The following GTPBP3 variants were observed in gnomAD, a reference collection of about 807,000 sequenced individuals.
GTPBP3 encodes 5-taurinomethyluridine-[tRNA] synthase subunit GTPB3, mitochondrial.
Under a neutral mutation model 42.0 loss-of-function variants are expected in GTPBP3, and 35 were observed. That is an observed-to-expected ratio of 0.83 (90% CI 0.64 to 1.10). The LOEUF (loss-of-function observed/expected upper bound fraction) is 1.10, where lower values mean the gene tolerates loss of function less well. Ranked by LOEUF, GTPBP3 falls within the 50% of genes least tolerant of loss-of-function variation. The pLI is 0.00. For missense variants in GTPBP3, 691 were observed against 685.2 expected (o/e 1.01, Z -0.09); for synonymous variants, 332 against 314.9 (o/e 1.05, Z -0.58).
intron 2 of GTPBP3, 28 bp downstream of exon 2, chr19:17,338,283 T>A: frequency 6.2e-7 from 1 of 1,603,060 alleles, no homozygotes; most frequent in Non-Finnish European, 8.5e-7. Context: ...CCGAGCCTCC[T>A]GTAGGTCCCA....
chr19:17,338,266 C>T lies in GTPBP3; in HGVS notation c.301+11C>T. 1 of 1,595,948 alleles carries T rather than the reference C, an allele frequency of 6.3e-7. No homozygotes were observed. On this transcript the variant is annotated intron_variant, in intron 2 of 8. Coordinates refer to ENST00000324894, the MANE Select transcript of GTPBP3 (RefSeq NM_032620.4). ...TGCTCTGGTTCCCAGGTGAGGGTCC[C>T]CAGGTTCCGAGCCTCCTGTAGGTCC...
chr19:17,337,580 G>A lies in GTPBP3; in HGVS notation c.-32G>A. On this transcript the variant is annotated 5_prime_UTR_variant, in exon 1 of 9. Coordinates refer to ENST00000324894, the MANE Select transcript of GTPBP3 (RefSeq NM_032620.4). ...GCCCAGACTTGAAGCCACACAGGCA[G>A]GTCGGGCAGGCGGGTCGCAGGTTGT... 1 of 1,317,356 alleles carries A rather than the reference G, an allele frequency of 7.6e-7. No homozygotes were observed. The highest frequency in any genetic ancestry group is 9.7e-7 in the Non-Finnish European group (1 of 1,027,566). The allele number at this position is 1,317,356 out of a possible 1,614,324, so 81.6% of individuals were successfully genotyped here. A position where few individuals can be genotyped will look rare whatever the true frequency, so the allele number is the denominator to read the frequency against.
chr19:17,339,047 G>A (rs768898152), intron 5 of GTPBP3, 21 bp downstream of exon 5: 6 of 1,614,116 alleles, frequency 3.7e-6, no homozygotes, highest in Non-Finnish European at 5.1e-6. Flanking sequence ...CTGGTGGTGG[G>A]GGAGGAAGAC....
chr19:17,338,418 C>G lies in GTPBP3; in HGVS notation c.355C>G (p.Pro119Ala). 1 of 1,614,130 alleles carries G rather than the reference C, an allele frequency of 6.2e-7. No homozygotes were observed. The highest frequency in any genetic ancestry group is 8.5e-7 in the Non-Finnish European group (1 of 1,180,046). The change falls in exon 3 of 9, where the codon CCG becomes GCG. Residue 119 changes from proline to alanine, a missense_variant. By Grantham distance (27) the Pro-to-Ala change is conservative. Coordinates refer to ENST00000324894, the MANE Select transcript of GTPBP3 (RefSeq NM_032620.4). ...DCVEFHVHGG[P>A]AVVSGVLQAL... ...CGTGGAGTTCCACGTGCATGGAGGC[C>G]CGGCAGTGGTGAGCGGCGTCCTGCA... is the stretch of plus-strand genomic sequence containing the variant.
At chr19:17,335,474 C>A (rs1201017435), upstream of GTPBP3, among the ~76,000 whole-genome samples, 1 of 152,078 alleles carries the variant, frequency 6.6e-6, no homozygotes, top group Non-Finnish European at 1.5e-5. Flanking sequence ...GCAGGAGAAT[C>A]GCTTGTGCTC....
upstream of GTPBP3, among the ~76,000 whole-genome samples, chr19:17,335,914 C>T (rs905748175): frequency 6.6e-6 from 1 of 152,114 alleles, no homozygotes; most frequent in African/African-American, 2.4e-5. Flanking sequence ...AATATGTCAT[C>T]ATTTGTTCCT....
intron 7 of GTPBP3, among the ~76,000 whole-genome samples, chr19:17,339,828 GCT>G (rs1172326521): frequency 1.4e-5 from 2 of 145,078 alleles, no homozygotes; most frequent in Non-Finnish European, 3.0e-5. Flanking sequence ...CTCACTGCAA[GCT>G]CTGTCTTCCG....
chr19:17,339,382 G>A, intron 6 of GTPBP3, 52 bp from the exon 7 acceptor site: 1 of 1,600,960 alleles, frequency 6.2e-7, no homozygotes, highest in South Asian at 1.1e-5. Flanking sequence ...TAGAACCTGG[G>A]GGAGGAGCTC....
chr19:17,335,106 T>C, upstream of GTPBP3: 1 of 1,535,986 alleles, frequency 6.5e-7, no homozygotes, highest in South Asian at 1.2e-5. Context: ...AGACGCTGTT[T>C]GGAATGTGAG....
intron 6 of GTPBP3, 70 bp downstream of exon 6, chr19:17,339,336 AGTT>A (rs2074404294): frequency 1.3e-6 from 2 of 1,580,068 alleles, no homozygotes; most frequent in East Asian, 4.5e-5. Flanking sequence ...TTATTGAGTT[AGTT>A]GTTCAGGTCT....
At position 17,337,599 on chromosome 19, in the gene GTPBP3, A is replaced by T; in HGVS notation, c.-13A>T. On this transcript the variant is annotated 5_prime_UTR_variant, in exon 1 of 9. Coordinates refer to ENST00000324894, the MANE Select transcript of GTPBP3 (RefSeq NM_032620.4). ...CAGGCAGGTCGGGCAGGCGGGTCGC[A>T]GGTTGTAAATCCATGTGGCGGGGGC... 1 of 1,313,426 alleles carries T rather than the reference A, an allele frequency of 7.6e-7. No homozygotes were observed. Among genetic ancestry groups the T allele is most frequent in the East Asian group, 3.1e-5 (1 of 32,746 alleles). 81.4% of individuals were successfully genotyped at this position (1,313,426 alleles called of 1,614,324 possible). A position where few individuals can be genotyped will look rare whatever the true frequency, so the allele number is the denominator to read the frequency against.
chr19:17,340,335 C>G (rs1806324520), intron 7 of GTPBP3, among the ~76,000 whole-genome samples: 1 of 152,130 alleles, frequency 6.6e-6, no homozygotes, highest in Non-Finnish European at 1.5e-5. Flanking sequence ...CTGTGCCCGG[C>G]CAGTGATTTA....
At chr19:17,337,796 T>A in intron 1 of GTPBP3, 132 bp downstream of exon 1, 1 of 1,273,046 alleles carries the variant, frequency 7.9e-7, no homozygotes, top group Non-Finnish European at 1.1e-6. Flanking sequence ...CAATCGTTCA[T>A]GACCCTTGCG....
chr19:17,342,089 TTTCCCC>T lies in GTPBP3; in HGVS notation c.*412_*417del, dbSNP rs3078395. The T allele has an allele frequency of 0.096, 12,147 of 126,358 alleles. 588 individuals are homozygous for T. The highest frequency in any genetic ancestry group is 0.12 in the Non-Finnish European group (7,379 of 61,246). The allele number at this position is 126,358 out of a possible 1,614,324, so 7.8% of individuals were successfully genotyped here. Reference sequence around the variant, plus strand: ...CCTTCCCTTTCCTTTTCCCTTTCCCTTTCCCCTTCCCCTTCCCCTTCCCCTTCCCCT... The same window carrying T: ...CCTTCCCTTTCCTTTTCCCTTTCCCTTTCCCCTTCCCCTTCCCCTTCCCCT... On this transcript the variant is annotated 3_prime_UTR_variant, in exon 9 of 9. Coordinates refer to ENST00000324894, the MANE Select transcript of GTPBP3 (RefSeq NM_032620.4).
chr19:17,335,377 C>A (rs1405675110), upstream of GTPBP3, among the ~76,000 whole-genome samples: 1 of 152,090 alleles, frequency 6.6e-6, no homozygotes, highest in African/African-American at 2.4e-5. Context: ...AAATACAGTC[C>A]GTCTAGTTAA....
At position 17,341,297 on chromosome 19, in the gene GTPBP3, G is replaced by A. The variant is rs1463537539; in HGVS notation, c.1228G>A (p.Ala410Thr). The A allele has an allele frequency of 2.5e-6, 4 of 1,603,958 alleles. No individual in the cohort carries two copies. The highest frequency in any genetic ancestry group is 1.7e-4 in the Middle Eastern group (1 of 5,842). ...AGAGGGGCTGGACGGCCTCCTGGAGGCGCTGAGGAAGGAGCTAGCTGCAGT... is the reference window on the plus strand; with the variant it reads ...AGAGGGGCTGGACGGCCTCCTGGAGACGCTGAGGAAGGAGCTAGCTGCAGT... The part of the protein sequence containing the change: ...TGEGLDGLLE[A>T]LRKELAAVCG... The change falls in exon 8 of 9, where the codon GCG becomes ACG. Residue 410 changes from alanine (A) to threonine (T), a missense_variant. By Grantham distance (58) the Ala-to-Thr change is moderately conservative. Transcript: ENST00000324894.
intron 1 of GTPBP3, 44 bp downstream of exon 1, chr19:17,337,708 T>A (rs2074380064): frequency 3.6e-6 from 5 of 1,391,776 alleles, no homozygotes; most frequent in Non-Finnish European, 2.8e-6. Context: ...GGGTGCTGCT[T>A]GGACCCCAGA....
At chr19:17,340,805 G>T (rs981531643) in intron 7 of GTPBP3, 2 of 316,202 alleles carry the variant, frequency 6.3e-6, no homozygotes, top group Non-Finnish European at 1.1e-5. Flanking sequence ...CACCGTGACC[G>T]CTCCTCTTGC....
At position 17,338,171 on chromosome 19, in the gene GTPBP3, C is replaced by T; in HGVS notation, c.217C>T (p.Leu73Phe). Residue 73 changes from leucine to phenylalanine, a missense_variant, in exon 2 of 9, where the codon CTT (leucine) becomes TTT (phenylalanine). Transcript: ENST00000324894. ...TCTCACAGCACCCCGAGACCTGCCC[C>T]TTGCTCGCCACGCCAGCCTGCGCCT... ...RILTAPRDLP[L>F]ARHASLRLLS... 1.3e-6 allele frequency: 2 copies of T among 1,592,854 alleles called. No homozygotes were observed. Among genetic ancestry groups the T allele is most frequent in the Non-Finnish European group, 1.7e-6 (2 of 1,176,256 alleles).
Sources: allele counts gnomAD v4.1 joint callset (sites outside exome capture counted in the v4.1 genomes callset), GRCh38; gene constraint gnomAD v4.1.1; transcripts MANE v1.5; gene names NCBI Gene and HGNC (gene_info 2026-07-23, HGNC 2026-07-21).